The following XRCC4 variants were observed in gnomAD, a reference collection of about 807,000 sequenced individuals.
XRCC4 encodes DNA repair protein XRCC4.
XRCC4 carries 28 observed loss-of-function variants against 39.1 expected under a neutral mutation model. The observed-to-expected ratio is 0.72, with a 90% CI of 0.53 to 0.98. The LOEUF (loss-of-function observed/expected upper bound fraction) is 0.98. Among genes scored for constraint, XRCC4 ranks in the 50% least tolerant of loss-of-function variants. XRCC4 has a pLI of 0.00. For missense variants in XRCC4, 350 were observed against 376.4 expected, an observed-to-expected ratio of 0.93 and a Z score of 0.58; for synonymous variants, 123 against 126.4, an observed-to-expected ratio of 0.97 and a Z score of 0.18.
intron 1 of XRCC4, among the ~76,000 whole-genome samples, chr5:83,080,595 A>G (rs1400172396): frequency 6.6e-6 from 1 of 151,998 alleles, no homozygotes; most frequent in East Asian, 1.9e-4. Flanking sequence ...AGTTGTGATG[A>G]AATCTTATTC....
At chr5:83,101,688 A>G (rs979540559) in intron 1 of XRCC4, among the ~76,000 whole-genome samples, 4 of 152,124 alleles carry the variant, frequency 2.6e-5, no homozygotes, top group Admixed American at 2.6e-4. Flanking sequence ...CAGACTATAC[A>G]GGTCTATGCC....
Position 83,087,473 on chromosome 5 carries a change from G to A in XRCC4, c.-11+9858G>A, listed in dbSNP as rs182677544. Reference sequence around the variant, plus strand: ...AGGTCAGGCGTTTGAGACCAGCATGGCCAACATAGTGAAACCCCATCTCTA... The same window carrying A: ...AGGTCAGGCGTTTGAGACCAGCATGACCAACATAGTGAAACCCCATCTCTA... On this transcript the variant is annotated intron_variant, in intron 1 of 7. Coordinates refer to ENST00000396027, the MANE Select transcript of XRCC4 (RefSeq NM_003401.5). Among the ~76,000 whole-genome samples the A allele has an allele frequency of 1.3e-4, 20 of 151,808 alleles. No individual in the cohort carries two copies. The East Asian group carries it at 3.5e-3, about 27-fold the overall frequency.
intron 6 of XRCC4, among the ~76,000 whole-genome samples, chr5:83,249,915 A>T (rs1202776378): frequency 3.9e-5 from 6 of 152,082 alleles, no homozygotes; most frequent in Non-Finnish European, 8.8e-5. Flanking sequence ...TTTATATTTT[A>T]TTTATTTTGT....
At chr5:83,210,724 A>G (rs575243443) in intron 6 of XRCC4, among the ~76,000 whole-genome samples, 2 of 152,304 alleles carry the variant, frequency 1.3e-5, no homozygotes, top group African/African-American at 2.4e-5. Flanking sequence ...AAGATAGTCA[A>G]CGTCATCAGA....
In XRCC4 at chr5:83,110,231, T is replaced by C. The variant is rs552982264; in HGVS notation, c.140-797T>C. 3.9e-5 allele frequency among the ~76,000 whole-genome samples: 6 copies of C among 151,996 alleles called. No individual in the cohort carries two copies. The East Asian group carries it at 1.2e-3, about 29-fold the overall frequency. On this transcript the variant is annotated intron_variant, in intron 2 of 7. Coordinates refer to ENST00000396027, the MANE Select transcript of XRCC4 (RefSeq NM_003401.5). ...AGTAAAACAAGAATTTTTCCACAGA[T>C]AGAAGAAACATAATTTATACCCCAG...
intron 6 of XRCC4, among the ~76,000 whole-genome samples, chr5:83,234,097 AG>A (rs1185822533): frequency 2.0e-5 from 3 of 152,126 alleles, no homozygotes; most frequent in African/African-American, 7.2e-5. Flanking sequence ...GGAGAAAATT[AG>A]GTAATCTGCA....
At chr5:83,232,130 A>C (rs921835069) in intron 6 of XRCC4, among the ~76,000 whole-genome samples, 1 of 152,086 alleles carries the variant, frequency 6.6e-6, no homozygotes, top group Non-Finnish European at 1.5e-5. Context: ...GCCAGAGTGC[A>C]AAATAATTGT....
Position 83,204,854 on chromosome 5 carries a change from T to G in XRCC4, c.678T>G (p.Asp226Glu). The G allele has an allele frequency of 3.7e-6, 6 of 1,612,358 alleles. No individual in the cohort carries two copies. The highest frequency in any genetic ancestry group is 1.1e-5 in the South Asian group (1 of 90,952). The stretch of plus-strand genomic sequence containing the variant: ...GTTCTGAAATGACTGCTGACCGAGA[T>G]CCAGTCTATGATGAGAGTACTGATG... Reference protein sequence around the residue: ...AICSEMTADRDPVYDESTDEE... With the variant: ...AICSEMTADREPVYDESTDEE... Residue 226 changes from aspartate to glutamate, a missense_variant, in exon 6 of 8, where the codon GAT (aspartate) becomes GAG (glutamate). Transcript: ENST00000396027.
intron 7 of XRCC4, among the ~76,000 whole-genome samples, chr5:83,283,513 C>T (rs1406838749): frequency 6.6e-6 from 1 of 152,168 alleles, no homozygotes; most frequent in East Asian, 1.9e-4. Flanking sequence ...AAACCTAGAA[C>T]ATTAAAACAG....
At position 83,332,053 on chromosome 5, in the gene XRCC4, G is replaced by GA. The variant is rs1170271275; in HGVS notation, c.894-21076dup. Among the ~76,000 whole-genome samples, 16 of 152,182 alleles carry GA rather than the reference G, an allele frequency of 1.1e-4. No individual in the cohort carries two copies. In the East Asian group the frequency reaches 3.1e-3, roughly 29 times the overall value. On this transcript the variant is annotated intron_variant, in intron 7 of 7. Coordinates refer to ENST00000396027, the MANE Select transcript of XRCC4 (RefSeq NM_003401.5). ...GAAACACCCTGGGTTATTTTACATGGAAGCATCTGGTTCACATGTGTCCAG... is the reference window on the plus strand; with the variant it reads ...GAAACACCCTGGGTTATTTTACATGGAAAGCATCTGGTTCACATGTGTCCAG...
At chr5:83,186,223 G>GA (rs888408236) in intron 3 of XRCC4, among the ~76,000 whole-genome samples, 1 of 152,090 alleles carries the variant, frequency 6.6e-6, no homozygotes, top group Non-Finnish European at 1.5e-5. Flanking sequence ...AGAAGCCAAG[G>GA]AAAAAATCTC....
At chr5:83,166,766 C>T (rs1291357057) in intron 3 of XRCC4, among the ~76,000 whole-genome samples, 2 of 151,846 alleles carry the variant, frequency 1.3e-5, no homozygotes, top group Admixed American at 6.6e-5. Flanking sequence ...CGTGAGCCAC[C>T]GTGCTTGGCC....
intron 6 of XRCC4, among the ~76,000 whole-genome samples, chr5:83,227,472 A>G (rs571050837): frequency 5.9e-5 from 9 of 152,214 alleles, no homozygotes; most frequent in African/African-American, 1.7e-4. Flanking sequence ...ACTAAACAGG[A>G]CTATAATAAA....
At chr5:83,210,688 TC>T (rs1195669586) in intron 6 of XRCC4, among the ~76,000 whole-genome samples, 2 of 152,208 alleles carry the variant, frequency 1.3e-5, no homozygotes, top group Non-Finnish European at 2.9e-5. Flanking sequence ...AGAAAAAAGA[TC>T]CTATTTGTAC....
At chr5:83,279,753 A>G (rs1003099382) in intron 7 of XRCC4, among the ~76,000 whole-genome samples, 5 of 152,236 alleles carry the variant, frequency 3.3e-5, no homozygotes. Flanking sequence ...TAATGTCTGT[A>G]CAAGTGAATC....
chr5:83,299,681 T>C (rs1447344525), intron 7 of XRCC4, among the ~76,000 whole-genome samples: 4 of 152,188 alleles, frequency 2.6e-5, no homozygotes, highest in African/African-American at 4.8e-5. Context: ...TAATCTCTAT[T>C]AAACTTGACC....
At chr5:83,135,974 G>A (rs1747878233) in intron 3 of XRCC4, among the ~76,000 whole-genome samples, 1 of 151,790 alleles carries the variant, frequency 6.6e-6, no homozygotes, top group Admixed American at 6.6e-5. Context: ...TTTTTATTTG[G>A]TACAGTATAT....
At chr5:83,143,160 A>C (rs16900189) in intron 3 of XRCC4, among the ~76,000 whole-genome samples, 9,656 of 152,222 alleles carry the variant, frequency 0.063, 1,013 homozygotes, top group East Asian at 0.48. Context: ...TTTTAAGATT[A>C]AATGACTTAC....
chr5:83,201,123 G>A (rs1463975279), intron 4 of XRCC4: 3 of 152,066 alleles, frequency 2.0e-5, no homozygotes, highest in Non-Finnish European at 4.4e-5. Flanking sequence ...TTAAATGAGG[G>A]AAAAAATACA....
Sources: allele counts gnomAD v4.1 joint callset (sites outside exome capture counted in the v4.1 genomes callset), GRCh38; gene constraint gnomAD v4.1.1; transcripts MANE v1.5; gene names NCBI Gene and HGNC (gene_info 2026-07-23, HGNC 2026-07-21).